MRTFB: variants seen among roughly 807,000 people sequenced by gnomAD.
MRTFB encodes the protein myocardin-related transcription factor B.
In MRTFB, 29 loss-of-function variants were observed where a neutral mutation model predicts 104.2. The observed-to-expected ratio is 0.28, with a 90% CI of 0.21 to 0.38. The LOEUF (loss-of-function observed/expected upper bound fraction) is 0.38. Among genes scored for constraint, MRTFB ranks in the 10% least tolerant of loss-of-function variants. The pLI, the probability that MRTFB is intolerant of heterozygous loss-of-function variation, is 1.00. For synonymous variants in MRTFB, 535 were observed against 519.5 expected, an observed-to-expected ratio of 1.03 and a Z score of -0.41; for missense variants, 1,270 against 1,341.6, an observed-to-expected ratio of 0.95 and a Z score of 0.83.
intron 2 of MRTFB, among the ~76,000 whole-genome samples, chr16:14,101,732 C>T (rs1213461444): frequency 6.6e-6 from 1 of 152,168 alleles, no homozygotes; most frequent in African/African-American, 2.4e-5. Flanking sequence ...AGATCTACAT[C>T]AGTATCCCAC....
At chr16:14,108,035 A>T (rs1261598452) in intron 2 of MRTFB, among the ~76,000 whole-genome samples, 1 of 152,192 alleles carries the variant, frequency 6.6e-6, no homozygotes, top group East Asian at 1.9e-4. Flanking sequence ...CAGTGGGTCC[A>T]GGCCACAGCA....
intron 7 of MRTFB, 131 bp from the exon 8 acceptor site, chr16:14,218,689 G>A (rs1164877542): frequency 2.9e-5 from 24 of 827,218 alleles, no homozygotes; most frequent in Non-Finnish European, 4.3e-5. Flanking sequence ...GCACTGGGAG[G>A]TACATTGTGT....
intron 1 of MRTFB, among the ~76,000 whole-genome samples, chr16:14,077,712 A>G (rs1428616544): frequency 6.6e-6 from 1 of 152,164 alleles, no homozygotes; most frequent in Non-Finnish European, 1.5e-5. Context: ...TGCTGGAGGG[A>G]TTAAAAGAGA....
the MRTFB span, among the ~76,000 whole-genome samples, chr16:14,058,844 G>A: frequency 1.3e-5 from 2 of 148,308 alleles, no homozygotes; most frequent in East Asian, 2.0e-4. Context: ...TTAGCCTCCC[G>A]AGTAGCTGGG....
chr16:13,999,523 GAA>G, the MRTFB span, among the ~76,000 whole-genome samples: 2 of 144,722 alleles, frequency 1.4e-5, no homozygotes, highest in Non-Finnish European at 3.0e-5. Context: ...AAGAAAGAAA[GAA>G]AAAAAAAAGC....
At chr16:14,214,825 T>C (rs1171185858) in intron 6 of MRTFB, 1 of 152,204 alleles carries the variant, frequency 6.6e-6, no homozygotes, top group Non-Finnish European at 1.5e-5. Context: ...GTAGGGGCTC[T>C]TCTATTGTAA....
upstream of MRTFB, among the ~76,000 whole-genome samples, chr16:14,066,384 C>T (rs2033528979): frequency 6.6e-6 from 1 of 151,744 alleles, no homozygotes; most frequent in South Asian, 2.1e-4. Context: ...AGCGATTCTC[C>T]TGCCTCAGCC....
At position 14,075,448 on chromosome 16, in the gene MRTFB, A is replaced by G. The variant is rs201776944; in HGVS notation, c.-128-3842A>G. Among the ~76,000 whole-genome samples the G allele has an allele frequency of 1.2e-4, 18 of 152,344 alleles. No homozygotes were observed. In the East Asian group the frequency reaches 2.7e-3, roughly 23 times the overall value. On this transcript the variant is annotated intron_variant, in intron 1 of 16. Transcript: ENST00000571589. Reference sequence around the variant, plus strand: ...ATTTTAAAAGATCCCTTCCTGGGCAATGCACGTGAACATATAAAAATCACG... The same window carrying G: ...ATTTTAAAAGATCCCTTCCTGGGCAGTGCACGTGAACATATAAAAATCACG...
At chr16:14,059,450 T>C in the MRTFB span, among the ~76,000 whole-genome samples, 1 of 152,032 alleles carries the variant, frequency 6.6e-6, no homozygotes, top group Admixed American at 6.6e-5. Context: ...ATTCAGGTGG[T>C]CATGGCTGAT....
At chr16:14,045,541 G>A in the MRTFB span, among the ~76,000 whole-genome samples, 3 of 152,172 alleles carry the variant, frequency 2.0e-5, no homozygotes, top group East Asian at 3.8e-4. Flanking sequence ...CAAGTTCTTG[G>A]GAGGGTTAAA....
chr16:14,107,524 A>C (rs114043382), intron 2 of MRTFB, among the ~76,000 whole-genome samples: 2,098 of 152,344 alleles, frequency 0.014, 48 homozygotes, highest in African/African-American at 0.046. Flanking sequence ...AACACTAGGC[A>C]TAGAATAAAT....
chr16:14,246,116 A>G (rs970318249), intron 11 of MRTFB, among the ~76,000 whole-genome samples: 1 of 152,296 alleles, frequency 6.6e-6, no homozygotes, highest in South Asian at 2.1e-4. Flanking sequence ...CGGACACCTC[A>G]TGGGGTCGTG....
At chr16:14,052,868 C>T in the MRTFB span, among the ~76,000 whole-genome samples, 1 of 152,184 alleles carries the variant, frequency 6.6e-6, no homozygotes, top group East Asian at 1.9e-4. Flanking sequence ...ATTAGCCAAC[C>T]TGTCCTCATC....
intron 1 of MRTFB, among the ~76,000 whole-genome samples, chr16:14,076,280 C>G (rs1440035451): frequency 6.6e-6 from 1 of 152,124 alleles, no homozygotes; most frequent in Non-Finnish European, 1.5e-5. Flanking sequence ...TAACCTCCAT[C>G]TCTCAGGTTC....
chr16:14,230,452 C>G (rs2042207572), intron 8 of MRTFB, among the ~76,000 whole-genome samples: 1 of 152,010 alleles, frequency 6.6e-6, no homozygotes, highest in African/African-American at 2.4e-5. Flanking sequence ...AACAAACAAC[C>G]CCATCAAAAA....
At chr16:13,997,190 G>A in the MRTFB span, among the ~76,000 whole-genome samples, 158 of 152,290 alleles carry the variant, frequency 1.0e-3, 1 homozygote, top group African/African-American at 3.3e-3. Context: ...GCAGTTTCAC[G>A]CAGACATGGG....
At chr16:14,148,973 A>C (rs2038471222) in intron 3 of MRTFB, among the ~76,000 whole-genome samples, 1 of 152,230 alleles carries the variant, frequency 6.6e-6, no homozygotes, top group Non-Finnish European at 1.5e-5. Context: ...TGTTTAATAC[A>C]GACCTCACAT....
the MRTFB span, among the ~76,000 whole-genome samples, chr16:14,059,486 A>C: frequency 6.6e-6 from 1 of 152,130 alleles, no homozygotes; most frequent in African/African-American, 2.4e-5. Flanking sequence ...TTAGGATGCT[A>C]GTCAGATGAC....
chr16:14,109,426 A>C (rs2036159862), intron 2 of MRTFB, among the ~76,000 whole-genome samples: 1 of 152,246 alleles, frequency 6.6e-6, no homozygotes, highest in Admixed American at 6.5e-5. Flanking sequence ...GTATGAGGAT[A>C]TCAAGAAGAA....
Sources: gnomAD v4.1 joint callset for allele counts (sites outside exome capture counted in the v4.1 genomes callset) on GRCh38, gnomAD v4.1.1 for gene constraint, MANE v1.5 for transcripts, NCBI Gene and HGNC (gene_info 2026-07-23, HGNC 2026-07-21) for gene names.